HGSNAT: variants seen among roughly 807,000 people sequenced by gnomAD.
HGSNAT encodes transmembrane protein 76.
A neutral mutation model predicts 85.2 loss-of-function variants in HGSNAT; 59 were observed. The observed-to-expected ratio is 0.69, with a 90% confidence interval of 0.56 to 0.86. The LOEUF (loss-of-function observed/expected upper bound fraction) is 0.86. Among genes scored for constraint, HGSNAT ranks in the 40% least tolerant of loss-of-function variants. HGSNAT has a pLI of 0.00. For synonymous variants in HGSNAT, 321 were observed against 304.5 expected (o/e 1.05, Z -0.56); for missense variants, 756 against 777.1 (o/e 0.97, Z 0.32).
Position 43,178,136 on chromosome 8 carries a change from G to A in HGSNAT, c.914G>A (p.Cys305Tyr). Reference sequence around the variant, plus strand: ...ATGACTTCTATACTGCAACGGGGGTGTTCAAAATTCAGATTGCTGGGGAAG... The same window carrying A: ...ATGACTTCTATACTGCAACGGGGGTATTCAAAATTCAGATTGCTGGGGAAG... The part of the protein sequence containing the change: ...LSMTSILQRG[C>Y]SKFRLLGKIA... The change falls in exon 10 of 18, where the codon TGT becomes TAT. Residue 305 changes from cysteine (C) to tyrosine (Y), a missense_variant. Transcript: ENST00000379644. 1 of 1,607,254 alleles carries A rather than the reference G, an allele frequency of 6.2e-7. No homozygotes were observed. Among genetic ancestry groups the A allele is most frequent in the East Asian group, 2.2e-5 (1 of 44,828 alleles).
intron 17 of HGSNAT, among the ~76,000 whole-genome samples, chr8:43,198,604 GTGCTATGCT>G (rs1804813790): frequency 6.6e-6 from 1 of 151,876 alleles, no homozygotes; most frequent in Admixed American, 6.6e-5. Flanking sequence ...CTTAATAATG[GTGCTATGCT>G]TGCTTTCTTA....
chr8:43,168,999 G>A (rs1200423764), intron 5 of HGSNAT, among the ~76,000 whole-genome samples, 174 bp from the exon 6 acceptor site: 3 of 152,186 alleles, frequency 2.0e-5, no homozygotes, highest in Non-Finnish European at 4.4e-5. Context: ...GTATTTATAA[G>A]TAGAGCTGCT....
At chr8:43,184,594 C>G (rs559646743) in intron 11 of HGSNAT, among the ~76,000 whole-genome samples, 4 of 152,176 alleles carry the variant, frequency 2.6e-5, no homozygotes, top group African/African-American at 9.7e-5. Context: ...GTTGCCTGTT[C>G]ACTCTGATGG....
Position 43,178,234 on chromosome 8 carries a change from TG to T in HGSNAT, c.1012+1del. ...GAATCCCAATTATTGCCTTGGTCCA[TG>T]TAAGTACTTTTTCCCTCTGTTATAT... On this transcript the variant is annotated splice_donor_variant, in intron 10 of 17. Coordinates refer to ENST00000379644, the MANE Select transcript of HGSNAT (RefSeq NM_152419.3). LOFTEE classifies it high-confidence loss of function. 6.6e-7 allele frequency: 1 copy of T among 1,520,392 alleles called. No individual in the cohort carries two copies. The highest frequency in any genetic ancestry group is 2.3e-5 in the East Asian group (1 of 43,968). The allele number at this position is 1,520,392 out of a possible 1,614,324, so 94.2% of individuals were successfully genotyped here.
intron 14 of HGSNAT, chr8:43,194,523 C>T (rs1366165709): frequency 2.0e-6 from 2 of 984,570 alleles, no homozygotes; most frequent in Non-Finnish European, 2.4e-6. Context: ...TGTGTCCTGA[C>T]CTAACAAAAT....
chr8:43,199,138 C>T (rs542067129), intron 17 of HGSNAT, among the ~76,000 whole-genome samples: 6 of 152,010 alleles, frequency 3.9e-5, no homozygotes, highest in South Asian at 4.2e-4. Flanking sequence ...TGGCCTTAAG[C>T]GATCCACCCG....
intron 4 of HGSNAT, 62 bp downstream of exon 4, chr8:43,159,106 A>T: frequency 6.4e-7 from 1 of 1,563,976 alleles, no homozygotes; most frequent in South Asian, 1.2e-5. Flanking sequence ...GTTTTTGAGT[A>T]CTGTTTGTAA....
intron 5 of HGSNAT, among the ~76,000 whole-genome samples, chr8:43,165,753 A>G (rs1016432481): frequency 1.3e-5 from 2 of 152,148 alleles, no homozygotes; most frequent in Non-Finnish European, 2.9e-5. Context: ...CCTGGCCAAC[A>G]TGGCAAAACC....
At chr8:43,150,663 C>T (rs922788680) in intron 2 of HGSNAT, among the ~76,000 whole-genome samples, 3 of 151,914 alleles carry the variant, frequency 2.0e-5, no homozygotes, top group Non-Finnish European at 4.4e-5. Flanking sequence ...GAAACCCTGT[C>T]TCTACTAAAA....
chr8:43,187,078 G>A (rs1381102069), intron 11 of HGSNAT, among the ~76,000 whole-genome samples: 1 of 152,084 alleles, frequency 6.6e-6, no homozygotes, highest in East Asian at 1.9e-4. Flanking sequence ...GGTCAATTTT[G>A]GAATAAGTGC....
intron 5 of HGSNAT, among the ~76,000 whole-genome samples, chr8:43,163,851 A>G (rs557830688): frequency 1.9e-4 from 29 of 152,282 alleles, no homozygotes; most frequent in African/African-American, 6.0e-4. Context: ...AACATTTTAC[A>G]TGTGATGGTG....
chr8:43,146,524 CTTAAT>C (rs1802717545), intron 1 of HGSNAT, among the ~76,000 whole-genome samples: 1 of 152,140 alleles, frequency 6.6e-6, no homozygotes, highest in African/African-American at 2.4e-5. Flanking sequence ...TCTTGAGAGG[CTTAAT>C]TTATTCATCT....
chr8:43,175,508 C>T (rs1434559707), intron 9 of HGSNAT, among the ~76,000 whole-genome samples: 2 of 150,260 alleles, frequency 1.3e-5, no homozygotes, highest in African/African-American at 4.9e-5. Flanking sequence ...TTCGTGTTTG[C>T]CATTTGGATG....
chr8:43,171,849 G>A (rs980802504), intron 7 of HGSNAT, among the ~76,000 whole-genome samples: 2 of 152,164 alleles, frequency 1.3e-5, no homozygotes, highest in Non-Finnish European at 2.9e-5. Context: ...TTTTACAGAT[G>A]AGCACACTGA....
chr8:43,158,765 A>C (rs1467618653), intron 3 of HGSNAT, 54 bp downstream of exon 3: 1 of 1,540,292 alleles, frequency 6.5e-7, no homozygotes, highest in Non-Finnish European at 8.7e-7. Context: ...CTCTTTTTCT[A>C]TTTTGGTTTT....
At chr8:43,161,544 A>T (rs1237814585) in intron 5 of HGSNAT, 37 bp downstream of exon 5, 2 of 1,516,986 alleles carry the variant, frequency 1.3e-6, no homozygotes, top group Non-Finnish European at 1.8e-6. Context: ...GGAAAGGCAG[A>T]GTATAGAAAT....
chr8:43,143,217 A>G (rs2130662370), intron 1 of HGSNAT, among the ~76,000 whole-genome samples: 1 of 152,386 alleles, frequency 6.6e-6, no homozygotes, highest in African/African-American at 2.4e-5. Context: ...AGGAATTAAT[A>G]TGAAAGTCAC....
rs1802476161 is a variant in HGSNAT, at chr8:43,140,495, G to C, written c.-2G>C. The C allele has an allele frequency of 9.8e-7, 1 of 1,023,348 alleles. No individual in the cohort carries two copies. Among genetic ancestry groups the C allele is most frequent in the African/African-American group, 1.7e-5 (1 of 57,842 alleles). The allele number at this position is 1,023,348 out of a possible 1,614,324, so 63.4% of individuals were successfully genotyped here. A position where few individuals can be genotyped will look rare whatever the true frequency, so the allele number is the denominator to read the frequency against. On this transcript the variant is annotated 5_prime_UTR_variant, in exon 1 of 18. Transcript: ENST00000379644. ...GCAAGGGCGGCCGAGCGGGCGGCGG[G>C]CATGAGCGGGGCGGGCAGGGCGCTG... is the stretch of plus-strand genomic sequence containing the variant.
intron 5 of HGSNAT, among the ~76,000 whole-genome samples, chr8:43,165,986 T>C (rs1253922867): frequency 2.6e-5 from 4 of 152,154 alleles, no homozygotes; most frequent in Non-Finnish European, 2.9e-5. Flanking sequence ...ACTGCTGATA[T>C]GGAGAAAGTT....
Sources: gnomAD v4.1 joint callset for allele counts (sites outside exome capture counted in the v4.1 genomes callset) on GRCh38, gnomAD v4.1.1 for gene constraint, MANE v1.5 for transcripts, NCBI Gene and HGNC (gene_info 2026-07-23, HGNC 2026-07-21) for gene names.